SLC24A2: variants seen among roughly 807,000 people sequenced by gnomAD.
SLC24A2 encodes the protein sodium/potassium/calcium exchanger 2.
Under a neutral mutation model 62.0 loss-of-function variants are expected in SLC24A2, and 36 were observed. That is an observed-to-expected ratio of 0.58 (90% CI 0.44 to 0.77). SLC24A2 has a LOEUF of 0.77. Among genes scored for constraint, SLC24A2 ranks in the 30% least tolerant of loss-of-function variants. The probability of loss-of-function intolerance (pLI) is 0.00; values close to 1 mark genes in which losing one functional copy is unlikely to be tolerated. For missense variants in SLC24A2, 846 were observed against 817.9 expected (o/e 1.03, Z -0.42); for synonymous variants, 358 against 294.0 (o/e 1.22, Z -2.23).
the SLC24A2 span, among the ~76,000 whole-genome samples, chr9:20,265,919 G>C: frequency 6.6e-6 from 1 of 152,112 alleles, no homozygotes; most frequent in Admixed American, 6.5e-5. Context: ...TCGATCTGTA[G>C]GGATGAAAGA....
At chr9:19,993,735 G>A in the SLC24A2 span, among the ~76,000 whole-genome samples, 27 of 152,098 alleles carry the variant, frequency 1.8e-4, no homozygotes, top group Non-Finnish European at 3.2e-4. Context: ...TCGTGGTCCT[G>A]TTCTATTCCC....
At chr9:19,666,757 T>C (rs1030018069) in intron 2 of SLC24A2, among the ~76,000 whole-genome samples, 2 of 152,174 alleles carry the variant, frequency 1.3e-5, no homozygotes, top group Non-Finnish European at 2.9e-5. Flanking sequence ...TTTTTTTCAA[T>C]GCAGGACATC....
chr9:19,907,571 G>C, the SLC24A2 span, among the ~76,000 whole-genome samples: 4 of 152,166 alleles, frequency 2.6e-5, no homozygotes, highest in African/African-American at 9.7e-5. Flanking sequence ...TGTATATCTA[G>C]AAAACCCCAT....
the SLC24A2 span, among the ~76,000 whole-genome samples, chr9:20,187,189 C>G: frequency 6.6e-6 from 1 of 152,236 alleles, no homozygotes; most frequent in East Asian, 1.9e-4. Context: ...TAGCACCATT[C>G]TATAATGGAA....
chr9:19,678,362 A>G (rs1282279493), intron 2 of SLC24A2, among the ~76,000 whole-genome samples: 1 of 152,200 alleles, frequency 6.6e-6, no homozygotes, highest in Non-Finnish European at 1.5e-5. Flanking sequence ...ACCTGCAGGA[A>G]GTTGCATCTC....
At chr9:19,886,719 T>A in the SLC24A2 span, among the ~76,000 whole-genome samples, 1 of 152,194 alleles carries the variant, frequency 6.6e-6, no homozygotes, top group Non-Finnish European at 1.5e-5. Flanking sequence ...CCCAAAGGAA[T>A]ATAAATCATT....
chr9:19,580,579 G>A (rs183905199), intron 5 of SLC24A2, among the ~76,000 whole-genome samples: 26 of 152,332 alleles, frequency 1.7e-4, no homozygotes, highest in Admixed American at 1.6e-3. Context: ...GGAAGACATG[G>A]CATTTTCAGG....
chr9:20,249,044 C>T, the SLC24A2 span, among the ~76,000 whole-genome samples: 8 of 152,198 alleles, frequency 5.3e-5, no homozygotes, highest in Admixed American at 2.6e-4. Flanking sequence ...AAGACAAAGA[C>T]GATGAAGTAA....
the SLC24A2 span, among the ~76,000 whole-genome samples, chr9:19,978,677 C>A: frequency 1.3e-5 from 2 of 151,926 alleles, no homozygotes; most frequent in African/African-American, 4.8e-5. Context: ...CTGAAGGAGG[C>A]AGATATCCAT....
At chr9:19,804,329 T>A in the SLC24A2 span, among the ~76,000 whole-genome samples, 263 of 152,280 alleles carry the variant, frequency 1.7e-3, 1 homozygote, top group Admixed American at 6.1e-3. Context: ...TTGAAAAATT[T>A]TTTAAATGAA....
At chr9:19,902,488 A>T in the SLC24A2 span, among the ~76,000 whole-genome samples, 1 of 152,328 alleles carries the variant, frequency 6.6e-6, no homozygotes, top group South Asian at 2.1e-4. Flanking sequence ...AGCTTTTAAC[A>T]GCAGAAAACT....
chr9:20,180,414 C>T, the SLC24A2 span, among the ~76,000 whole-genome samples: 1 of 152,106 alleles, frequency 6.6e-6, no homozygotes, highest in Non-Finnish European at 1.5e-5. Context: ...TTGTAATAAA[C>T]TCATATTGAC....
At chr9:19,798,085 C>G in the SLC24A2 span, among the ~76,000 whole-genome samples, 1 of 152,018 alleles carries the variant, frequency 6.6e-6, no homozygotes, top group Non-Finnish European at 1.5e-5. Context: ...AGAATTGGAT[C>G]TTATTTTTTA....
intron 2 of SLC24A2, among the ~76,000 whole-genome samples, chr9:19,623,788 T>C (rs891931194): frequency 6.6e-6 from 1 of 152,212 alleles, no homozygotes; most frequent in Admixed American, 6.5e-5. Context: ...ATGTGTTTTT[T>C]TCCCCCTTCT....
chr9:19,814,151 G>C, the SLC24A2 span, among the ~76,000 whole-genome samples: 1 of 152,074 alleles, frequency 6.6e-6, no homozygotes, highest in Admixed American at 6.6e-5. Flanking sequence ...CATACCCACT[G>C]ATATCTCATT....
chr9:19,540,344 CG>C (rs1834188922), intron 8 of SLC24A2, among the ~76,000 whole-genome samples: 1 of 142,430 alleles, frequency 7.0e-6, no homozygotes, highest in African/African-American at 2.8e-5. Flanking sequence ...CGGCTGGTAC[CG>C]GTTGTTCCTT....
the SLC24A2 span, among the ~76,000 whole-genome samples, chr9:19,850,949 A>ACT: frequency 2.5e-5 from 1 of 39,536 alleles, no homozygotes; most frequent in Non-Finnish European, 5.1e-5. Flanking sequence ...ATATATACAT[A>ACT]TATATATATA....
intron 2 of SLC24A2, among the ~76,000 whole-genome samples, chr9:19,700,262 T>A (rs929280296): frequency 6.6e-6 from 1 of 152,122 alleles, no homozygotes; most frequent in East Asian, 1.9e-4. Flanking sequence ...ATTACTGGCT[T>A]CTTCAGAAGG....
At chr9:19,899,765 C>A in the SLC24A2 span, among the ~76,000 whole-genome samples, 1 of 152,142 alleles carries the variant, frequency 6.6e-6, no homozygotes, top group Non-Finnish European at 1.5e-5. Context: ...GTAAACATGT[C>A]CTTCTTCACA....
Sources: gnomAD v4.1 joint callset for allele counts (sites outside exome capture counted in the v4.1 genomes callset) on GRCh38, gnomAD v4.1.1 for gene constraint, MANE v1.5 for transcripts, NCBI Gene and HGNC (gene_info 2026-07-23, HGNC 2026-07-21) for gene names.